Variants in SPIDR observed in about 807,000 individuals in gnomAD.
The protein encoded by SPIDR is DNA repair-scaffolding protein.
Under a neutral mutation model 104.6 loss-of-function variants are expected in SPIDR, and 93 were observed. The observed-to-expected ratio is 0.89, with a 90% CI of 0.75 to 1.06. SPIDR has a LOEUF of 1.06. Among genes scored for constraint, SPIDR ranks in the 50% least tolerant of loss-of-function variants. The probability of loss-of-function intolerance (pLI) is 0.00; values close to 1 mark genes in which losing one functional copy is unlikely to be tolerated. For missense variants in SPIDR, 1,154 were observed against 1,111.2 expected, an observed-to-expected ratio of 1.04 and a Z score of -0.55; for synonymous variants, 431 against 416.9, an observed-to-expected ratio of 1.03 and a Z score of -0.41.
chr8:47,623,054 G>A (rs2065403551), intron 10 of SPIDR, among the ~76,000 whole-genome samples: 2 of 152,158 alleles, frequency 1.3e-5, no homozygotes, highest in African/African-American at 4.8e-5. Flanking sequence ...GGACCTTGTA[G>A]TGCACTAACA....
At chr8:47,534,438 C>T (rs1400052984) in intron 8 of SPIDR, among the ~76,000 whole-genome samples, 1 of 152,292 alleles carries the variant, frequency 6.6e-6, no homozygotes, top group East Asian at 1.9e-4. Flanking sequence ...CCATGGAATA[C>T]TATGCAGCCA....
chr8:47,391,383 A>T lies in SPIDR; in HGVS notation c.526-4993A>T, dbSNP rs575787696. ...TGAGACCTTGTCTCTACAAAAAAAA[A>T]TTTAAAAATAGCCAGGTATGGTGGC... On this transcript the variant is annotated intron_variant, in intron 5 of 19. Coordinates refer to ENST00000297423, the MANE Select transcript of SPIDR (RefSeq NM_001080394.4). Among the ~76,000 whole-genome samples, 21 of 151,854 alleles carry T rather than the reference A, an allele frequency of 1.4e-4. No individual in the cohort carries two copies. The East Asian group carries it at 2.0e-3, about 14-fold the overall frequency.
At chr8:47,351,071 A>G (rs1409936044) in intron 5 of SPIDR, among the ~76,000 whole-genome samples, 1 of 152,200 alleles carries the variant, frequency 6.6e-6, no homozygotes, top group Non-Finnish European at 1.5e-5. Context: ...ATTGACTATC[A>G]CAACATCTCA....
At chr8:47,330,147 A>AATGTATTT (rs1213288689) in intron 5 of SPIDR, among the ~76,000 whole-genome samples, 1 of 151,904 alleles carries the variant, frequency 6.6e-6, no homozygotes, top group Admixed American at 6.6e-5. Context: ...TTTATCTAAA[A>AATGTATTT]ATGTATTTAT....
intron 2 of SPIDR, 99 bp downstream of exon 2, chr8:47,280,116 T>A: frequency 7.8e-7 from 1 of 1,279,578 alleles, no homozygotes; most frequent in South Asian, 1.6e-5. Context: ...CCTTTCTTAT[T>A]CTTTCAGAAC....
chr8:47,284,442 G>T (rs1417987171), intron 3 of SPIDR, among the ~76,000 whole-genome samples: 3 of 152,122 alleles, frequency 2.0e-5, no homozygotes, highest in Non-Finnish European at 2.9e-5. Context: ...ATTTGGGAAA[G>T]AAATGTGACC....
intron 10 of SPIDR, chr8:47,667,743 A>G (rs1205122678): frequency 1.3e-5 from 2 of 152,226 alleles, no homozygotes; most frequent in Non-Finnish European, 2.9e-5. Context: ...TAGGGATATC[A>G]GTCCCATCAG....
chr8:47,444,257 G>A (rs1168092675), intron 8 of SPIDR, among the ~76,000 whole-genome samples: 1 of 152,170 alleles, frequency 6.6e-6, no homozygotes, highest in Non-Finnish European at 1.5e-5. Context: ...GGGGAGAGAG[G>A]AAGGTAGAAA....
chr8:47,268,619 TATTTTTTGTTA>T (rs1378946160), intron 1 of SPIDR, among the ~76,000 whole-genome samples: 1 of 152,196 alleles, frequency 6.6e-6, no homozygotes, highest in Non-Finnish European at 1.5e-5. Flanking sequence ...ACGTGGCTAA[TATTTTTTGTTA>T]ATTTTTTGGT....
intron 7 of SPIDR, among the ~76,000 whole-genome samples, chr8:47,420,038 T>C (rs2065130119): frequency 6.6e-6 from 1 of 152,236 alleles, no homozygotes; most frequent in South Asian, 2.1e-4. Context: ...TTTCCAACTA[T>C]GTGGTCAGTT....
At chr8:47,674,115 A>G (rs1244051906) in intron 11 of SPIDR, among the ~76,000 whole-genome samples, 174 bp downstream of exon 11, 6 of 152,218 alleles carry the variant, frequency 3.9e-5, no homozygotes, top group Non-Finnish European at 8.8e-5. Flanking sequence ...TTAGGGGAAG[A>G]ATTTCAATTG....
At chr8:47,354,277 A>G (rs1554624275) in intron 5 of SPIDR, among the ~76,000 whole-genome samples, 2 of 152,018 alleles carry the variant, frequency 1.3e-5, no homozygotes, top group Non-Finnish European at 2.9e-5. Flanking sequence ...AGATATATTC[A>G]TGTTTATGTA....
chr8:47,573,171 A>G (rs931848039), intron 8 of SPIDR, among the ~76,000 whole-genome samples: 1 of 152,220 alleles, frequency 6.6e-6, no homozygotes, highest in Non-Finnish European at 1.5e-5. Context: ...TTACGAGTGA[A>G]AAGTCCACTT....
At chr8:47,721,171 A>T (rs926980523) in intron 16 of SPIDR, among the ~76,000 whole-genome samples, 4 of 152,228 alleles carry the variant, frequency 2.6e-5, no homozygotes, top group Non-Finnish European at 4.4e-5. Flanking sequence ...CTAAAAACTC[A>T]TTGTAAAACC....
chr8:47,278,617 C>CT (rs1246477076), intron 1 of SPIDR, among the ~76,000 whole-genome samples: 520 of 150,826 alleles, frequency 3.4e-3, no homozygotes, highest in African/African-American at 0.012. Context: ...GGCCTCATCT[C>CT]TTTTTTTTTG....
At chr8:47,402,389 C>T (rs1284613105) in intron 6 of SPIDR, among the ~76,000 whole-genome samples, 1 of 152,102 alleles carries the variant, frequency 6.6e-6, no homozygotes, top group Non-Finnish European at 1.5e-5. Context: ...ACAAAAAACC[C>T]TTCAAAAAAT....
chr8:47,417,532 C>G (rs1270043190), intron 7 of SPIDR, among the ~76,000 whole-genome samples: 1 of 152,146 alleles, frequency 6.6e-6, no homozygotes, highest in African/African-American at 2.4e-5. Flanking sequence ...AGCCCTTTGT[C>G]AGATGGGTAG....
intron 11 of SPIDR, among the ~76,000 whole-genome samples, chr8:47,676,241 A>G (rs968399165): frequency 2.6e-5 from 4 of 152,232 alleles, no homozygotes; most frequent in Non-Finnish European, 5.9e-5. Flanking sequence ...TGCATTGAGT[A>G]TTCCAACAAA....
At chr8:47,477,649 A>T (rs1554724468) in intron 8 of SPIDR, among the ~76,000 whole-genome samples, 1 of 152,266 alleles carries the variant, frequency 6.6e-6, no homozygotes, top group Non-Finnish European at 1.5e-5. Flanking sequence ...TGCTCAATAA[A>T]TGATGGCTTC....
Sources: allele counts gnomAD v4.1 joint callset (sites outside exome capture counted in the v4.1 genomes callset), GRCh38; gene constraint gnomAD v4.1.1; transcripts MANE v1.5; gene names NCBI Gene and HGNC (gene_info 2026-07-23, HGNC 2026-07-21).